THSD7B: variants seen among roughly 807,000 people sequenced by gnomAD.
THSD7B encodes the protein thrombospondin type 1 domain containing 7B, also known as thrombospondin type-1 domain-containing protein 7B.
In THSD7B, 138 loss-of-function variants were observed where a neutral mutation model predicts 213.6. The observed-to-expected ratio is 0.65, with a 90% CI of 0.56 to 0.74. The LOEUF is 0.74. THSD7B is among the 30% of genes least tolerant of loss of function. The pLI is 0.00. For missense variants in THSD7B, 1,931 were observed against 1,991.5 expected (o/e 0.97, Z 0.58); for synonymous variants, 742 against 687.0 (o/e 1.08, Z -1.25).
At chr2:137,057,303 T>C (rs1687189140) in intron 3 of THSD7B, 73 bp downstream of exon 3, 1 of 1,368,790 alleles carries the variant, frequency 7.3e-7, no homozygotes, top group Middle Eastern at 1.9e-4. Context: ...AGCTTCTTTA[T>C]GATTTTCTAC....
chr2:136,993,962 A>G (rs953413589), intron 2 of THSD7B, among the ~76,000 whole-genome samples: 13 of 152,232 alleles, frequency 8.5e-5, no homozygotes, highest in Non-Finnish European at 1.5e-4. Context: ...CATGTTATAG[A>G]AAACAATGAG....
At chr2:136,873,009 C>A (rs1017804867) in intron 1 of THSD7B, among the ~76,000 whole-genome samples, 1 of 90,368 alleles carries the variant, frequency 1.1e-5, no homozygotes, top group Non-Finnish European at 1.9e-5. Flanking sequence ...GGTGACAGAG[C>A]AAGACTCCAT....
intron 27 of THSD7B, among the ~76,000 whole-genome samples, chr2:137,675,973 A>C (rs1032512397): frequency 6.6e-6 from 1 of 152,196 alleles, no homozygotes; most frequent in Admixed American, 6.5e-5. Flanking sequence ...TGAGAAGGAA[A>C]AGCAGCCTTC....
intron 1 of THSD7B, among the ~76,000 whole-genome samples, chr2:136,866,589 A>G (rs1683336865): frequency 6.6e-6 from 1 of 152,244 alleles, no homozygotes; most frequent in Admixed American, 6.5e-5. Flanking sequence ...TTTAGGAAAT[A>G]TAACTCATTT....
intron 2 of THSD7B, among the ~76,000 whole-genome samples, chr2:137,052,033 A>G (rs143284206): frequency 1.2e-3 from 184 of 152,282 alleles, no homozygotes; most frequent in African/African-American, 4.2e-3. Flanking sequence ...CAGCATTCAC[A>G]TATTTGCATT....
chr2:137,140,113 G>A (rs1003662609), intron 5 of THSD7B, among the ~76,000 whole-genome samples: 1 of 151,846 alleles, frequency 6.6e-6, no homozygotes, highest in African/African-American at 2.4e-5. Context: ...TAAATGAATT[G>A]GCATAAATAG....
intron 7 of THSD7B, among the ~76,000 whole-genome samples, chr2:137,207,171 CT>C (rs1238323110): frequency 6.6e-6 from 1 of 151,992 alleles, no homozygotes; most frequent in Non-Finnish European, 1.5e-5. Context: ...TCAGGGCTAC[CT>C]ATTGTGTTCT....
chr2:137,495,484 T>C (rs970913824), intron 15 of THSD7B, among the ~76,000 whole-genome samples: 24 of 152,166 alleles, frequency 1.6e-4, no homozygotes, highest in African/African-American at 5.6e-4. Flanking sequence ...CCCTCAGTCT[T>C]ACGGAAGTGT....
intron 16 of THSD7B, among the ~76,000 whole-genome samples, chr2:137,570,410 G>A (rs971620895): frequency 3.3e-5 from 5 of 152,038 alleles, no homozygotes; most frequent in Non-Finnish European, 7.4e-5. Context: ...CCGGGTTCAC[G>A]CCATTCTCCT....
chr2:136,791,157 T>C (rs1339060410), intron 1 of THSD7B, among the ~76,000 whole-genome samples: 1 of 151,842 alleles, frequency 6.6e-6, no homozygotes, highest in Admixed American at 6.6e-5. Context: ...CCTACAGAAA[T>C]AAATGAATAG....
At chr2:137,578,346 GA>G (rs1681504914) in intron 17 of THSD7B, among the ~76,000 whole-genome samples, 1 of 152,212 alleles carries the variant, frequency 6.6e-6, no homozygotes, top group Non-Finnish European at 1.5e-5. Context: ...TTCATGGAGT[GA>G]AACTCCCCAA....
intron 15 of THSD7B, among the ~76,000 whole-genome samples, chr2:137,513,636 T>A (rs1269311440): frequency 6.6e-6 from 1 of 152,228 alleles, no homozygotes; most frequent in Non-Finnish European, 1.5e-5. Context: ...TGTAACCATT[T>A]CATTAAAAAA....
At chr2:137,304,878 A>G (rs912003158) in intron 12 of THSD7B, among the ~76,000 whole-genome samples, 44 of 152,132 alleles carry the variant, frequency 2.9e-4, no homozygotes, top group Non-Finnish European at 2.2e-4. Flanking sequence ...TAAGCTATGC[A>G]TGTATATTCA....
chr2:137,373,026 C>G (rs559961217), intron 12 of THSD7B, among the ~76,000 whole-genome samples: 1,927 of 151,856 alleles, frequency 0.013, 44 homozygotes, highest in African/African-American at 0.045. Context: ...AGGACATGAA[C>G]TCATCCTTTT....
intron 1 of THSD7B, among the ~76,000 whole-genome samples, chr2:136,873,668 G>T (rs1447812765): frequency 6.6e-6 from 1 of 152,156 alleles, no homozygotes; most frequent in Admixed American, 6.5e-5. Flanking sequence ...AATATTGCTG[G>T]AGTGGAGTTC....
intron 2 of THSD7B, among the ~76,000 whole-genome samples, chr2:136,946,489 T>A (rs514543): frequency 1.3e-5 from 2 of 151,888 alleles, no homozygotes; most frequent in Non-Finnish European, 2.9e-5. Flanking sequence ...TCAAACACTG[T>A]GCTGGGAGAA....
At chr2:137,320,467 G>A (rs933915881) in intron 12 of THSD7B, among the ~76,000 whole-genome samples, 1 of 152,128 alleles carries the variant, frequency 6.6e-6, no homozygotes, top group East Asian at 1.9e-4. Context: ...CTTTGGTTGA[G>A]GAAATGACAT....
intron 10 of THSD7B, among the ~76,000 whole-genome samples, chr2:137,248,286 C>A (rs1682088240): frequency 6.6e-6 from 1 of 152,128 alleles, no homozygotes; most frequent in Non-Finnish European, 1.5e-5. Context: ...GGTATTATGG[C>A]ACCTGTTTCT....
intron 12 of THSD7B, among the ~76,000 whole-genome samples, chr2:137,386,737 C>T (rs934150237): frequency 1.3e-5 from 2 of 152,098 alleles, no homozygotes; most frequent in African/African-American, 4.8e-5. Context: ...AGAAGCAAAA[C>T]TTATCACTGC....
Sources: allele counts gnomAD v4.1 joint callset (sites outside exome capture counted in the v4.1 genomes callset), GRCh38; gene constraint gnomAD v4.1.1; transcripts MANE v1.5; gene names NCBI Gene and HGNC (gene_info 2026-07-23, HGNC 2026-07-21).